AP3D1: variants seen among roughly 807,000 people sequenced by gnomAD.
The protein encoded by AP3D1 is adaptor related protein complex 3 subunit delta 1, also known as AP-3 complex subunit delta-1.
In AP3D1, 51 loss-of-function variants were observed where a neutral mutation model predicts 147.6. That is an observed-to-expected ratio of 0.35 (90% CI 0.28 to 0.44). The LOEUF (loss-of-function observed/expected upper bound fraction) is 0.44, where lower values mean the gene tolerates loss of function less well. Ranked by LOEUF, AP3D1 falls within the 20% of genes least tolerant of loss-of-function variation. The pLI, the probability that AP3D1 is intolerant of heterozygous loss-of-function variation, is 1.00. For missense variants in AP3D1, 1,421 were observed against 1,624.2 expected, an observed-to-expected ratio of 0.87 and a Z score of 2.15; for synonymous variants, 760 against 663.0, an observed-to-expected ratio of 1.15 and a Z score of -2.25.
intron 4 of AP3D1, among the ~76,000 whole-genome samples, chr19:2,135,198 C>T (rs980717758): frequency 6.6e-6 from 1 of 151,626 alleles, no homozygotes; most frequent in African/African-American, 2.4e-5. Flanking sequence ...AAGACTCCAT[C>T]TCAAAAACAA....
At chr19:2,156,801 A>G (rs1459327728) in intron 1 of AP3D1, among the ~76,000 whole-genome samples, 1 of 151,990 alleles carries the variant, frequency 6.6e-6, no homozygotes, top group Non-Finnish European at 1.5e-5. Context: ...GTGAGCCAAG[A>G]TTGCACCACT....
In AP3D1 at chr19:2,110,209, G is replaced by T; in HGVS notation, c.3191C>A (p.Ala1064Asp). 1 of 1,612,308 alleles carries T rather than the reference G, an allele frequency of 6.2e-7. No homozygotes were observed. The highest frequency in any genetic ancestry group is 8.5e-7 in the Non-Finnish European group (1 of 1,179,968). ...GCTCTGGATGGTGAACACATACTGG[G>T]CTTCGTTGGAGACGCCTGGCGGGGG... ...FQLPPGVSNE[A>D]QYVFTIQSIV... The change falls in exon 28 of 32, where the codon GCC becomes GAC. Residue 1064 changes from alanine (A) to aspartate (D), a missense_variant. By Grantham distance (126) the Ala-to-Asp change is moderately radical. Coordinates refer to ENST00000643116, the MANE Select transcript of AP3D1 (RefSeq NM_001261826.3).
At chr19:2,109,697 G>A (rs1466841493) in intron 29 of AP3D1, 176 bp downstream of exon 29, 10 of 628,970 alleles carry the variant, frequency 1.6e-5, no homozygotes, top group East Asian at 1.1e-4. Flanking sequence ...TCAACTACAC[G>A]GCCCCGGCTG....
At chr19:2,127,751 T>G (rs1739444275) in intron 8 of AP3D1, among the ~76,000 whole-genome samples, 1 of 152,230 alleles carries the variant, frequency 6.6e-6, no homozygotes, top group African/African-American at 2.4e-5. Flanking sequence ...GGTCTTGAAC[T>G]CCTGACCTCA....
At chr19:2,107,238 C>T (rs2018135581) in intron 31 of AP3D1, among the ~76,000 whole-genome samples, 1 of 148,152 alleles carries the variant, frequency 6.7e-6, no homozygotes, top group Admixed American at 6.8e-5. Flanking sequence ...CCAGCCTGGG[C>T]GACAGAGTGA....
chr19:2,117,180 G>T, intron 16 of AP3D1, 42 bp downstream of exon 16: 1 of 1,549,906 alleles, frequency 6.5e-7, no homozygotes, highest in East Asian at 2.3e-5. Flanking sequence ...AAGGGACCAT[G>T]TCAGGGCCAT....
At chr19:2,124,257 T>C (rs2018691403) in intron 9 of AP3D1, among the ~76,000 whole-genome samples, 2 of 152,220 alleles carry the variant, frequency 1.3e-5, no homozygotes, top group Admixed American at 6.5e-5. Context: ...GGAGCCTCCA[T>C]GGTGACACTT....
chr19:2,114,341 G>A lies in AP3D1; in HGVS notation c.2424-39C>T, dbSNP rs569434708. 7 of 1,559,100 alleles carry A rather than the reference G, an allele frequency of 4.5e-6. No individual in the cohort carries two copies. The Admixed American group carries it at 1.2e-4, about 27-fold the overall frequency. ...GACCGGGCCACACATCAGCACCACT[G>A]GCCACCCCCCAGGACCACTCAGTAC... On this transcript the variant is annotated intron_variant, in intron 21 of 31. Coordinates refer to ENST00000643116, the MANE Select transcript of AP3D1 (RefSeq NM_001261826.3).
At chr19:2,143,859 G>A (rs1333732716) in intron 1 of AP3D1, among the ~76,000 whole-genome samples, 5 of 152,052 alleles carry the variant, frequency 3.3e-5, no homozygotes, top group Admixed American at 2.0e-4. Context: ...AGGCCGAGGC[G>A]GGTGCATCGC....
chr19:2,120,774 G>A (rs2145066223), intron 14 of AP3D1, 88 bp downstream of exon 14: 3 of 1,356,208 alleles, frequency 2.2e-6, no homozygotes, highest in East Asian at 2.4e-5. Flanking sequence ...ATGGGAGACG[G>A]TAGGAAGGAT....
intron 1 of AP3D1, among the ~76,000 whole-genome samples, chr19:2,163,817 G>T (rs573218462): frequency 4.8e-4 from 73 of 150,866 alleles, no homozygotes; most frequent in African/African-American, 1.7e-3. Context: ...CACGGGGCGG[G>T]GCGCCGAGGG....
chr19:2,159,968 A>C (rs1020705311), intron 1 of AP3D1, among the ~76,000 whole-genome samples: 1 of 151,834 alleles, frequency 6.6e-6, no homozygotes, highest in Non-Finnish European at 1.5e-5. Context: ...TGCCCGCCTC[A>C]GCCTCCCAAA....
intron 31 of AP3D1, among the ~76,000 whole-genome samples, chr19:2,104,972 G>A (rs749193344): frequency 2.6e-5 from 4 of 152,130 alleles, no homozygotes; most frequent in Non-Finnish European, 4.4e-5. Flanking sequence ...ACCATGCCCA[G>A]CTGGCCTAAG....
chr19:2,124,144 C>T (rs866127181), intron 9 of AP3D1, among the ~76,000 whole-genome samples: 2 of 152,244 alleles, frequency 1.3e-5, no homozygotes, highest in African/African-American at 4.8e-5. Context: ...AACACTGGTT[C>T]ACTCGCAACC....
At chr19:2,118,895 G>A in intron 14 of AP3D1, 63 bp from the exon 15 acceptor site, 3 of 1,463,002 alleles carry the variant, frequency 2.1e-6, no homozygotes, top group Middle Eastern at 1.7e-4. Flanking sequence ...TCTAGCAGGT[G>A]AGGACCTAGG....
In AP3D1 at chr19:2,116,669, T is replaced by C; in HGVS notation, c.1937A>G (p.His646Arg). The C allele has an allele frequency of 1.2e-6, 2 of 1,608,190 alleles. No individual in the cohort carries two copies. Among genetic ancestry groups the C allele is most frequent in the South Asian group, 1.1e-5 (1 of 89,912 alleles). The change falls in exon 17 of 32, where the codon CAC becomes CGC. Residue 646 changes from histidine to arginine, a missense_variant. This residue lies in a region of AP3D1 where 791 missense variants were observed against 761.4 expected (regional missense o/e 1.04). Coordinates refer to ENST00000643116, the MANE Select transcript of AP3D1 (RefSeq NM_001261826.3). ...SEDERPRAVF[H>R]EEEQRRPKHR... ...CTTGGGACGCCGCTGCTCCTCCTCG[T>C]GGAAGACGGCCCTGGGCCTCTCGTC...
chr19:2,114,022 A>C lies in AP3D1; in HGVS notation c.2601+103T>G. 2.0e-6 allele frequency: 3 copies of C among 1,464,904 alleles called. No individual in the cohort carries two copies. The South Asian group carries it at 4.4e-5, about 22-fold the overall frequency. The allele number at this position is 1,464,904 out of a possible 1,614,324, so 90.7% of individuals were successfully genotyped here. A position where few individuals can be genotyped will look rare whatever the true frequency, so the allele number is the denominator to read the frequency against. On this transcript the variant is annotated intron_variant, in intron 22 of 31. Coordinates refer to ENST00000643116, the MANE Select transcript of AP3D1 (RefSeq NM_001261826.3). ...CGAGGCGGCTGGCACTCGCTGCCTGACTCAGACTCACAGCCATTTCCCCTG... is the reference window on the plus strand; with the variant it reads ...CGAGGCGGCTGGCACTCGCTGCCTGCCTCAGACTCACAGCCATTTCCCCTG...
intron 5 of AP3D1, 132 bp downstream of exon 5, chr19:2,132,339 C>T (rs564944788): frequency 4.2e-6 from 3 of 713,388 alleles, no homozygotes; most frequent in Non-Finnish European, 7.2e-6. Flanking sequence ...TGATTTGGTT[C>T]CCATTTCAGG....
At position 2,120,554 on chromosome 19, in the gene AP3D1, C is replaced by A. The variant is rs555913490; in HGVS notation, c.1481+308G>T. On this transcript the variant is annotated intron_variant, in intron 14 of 31. Transcript: ENST00000643116. ...TTGCAGATGCCCAGGGCCAGCCCCC[C>A]GTCTGCAGCCCACCCCATGGATCCT... 3.3e-5 allele frequency among the ~76,000 whole-genome samples: 5 copies of A among 152,312 alleles called. 1 individual carries two copies. The highest frequency in any genetic ancestry group is 7.4e-5 in the Non-Finnish European group (5 of 68,014).
Sources: allele counts gnomAD v4.1 joint callset (sites outside exome capture counted in the v4.1 genomes callset), GRCh38; gene constraint gnomAD v4.1.1; regional missense constraint gnomAD v4.1.1; transcripts MANE v1.5; gene names NCBI Gene and HGNC (gene_info 2026-07-23, HGNC 2026-07-21).